The following NUP214 variants were observed in gnomAD, a reference collection of about 807,000 sequenced individuals.
NUP214 encodes nuclear pore complex protein Nup214.
Under a neutral mutation model 196.2 loss-of-function variants are expected in NUP214, and 79 were observed. The observed-to-expected ratio is 0.40, with a 90% CI of 0.34 to 0.49. NUP214 has a LOEUF of 0.49. Ranked by LOEUF, NUP214 falls within the 20% of genes least tolerant of loss-of-function variation. The pLI, the probability that NUP214 is intolerant of heterozygous loss-of-function variation, is 0.58. For synonymous variants in NUP214, 1,020 were observed against 990.5 expected, an observed-to-expected ratio of 1.03 and a Z score of -0.56; for missense variants, 2,468 against 2,539.0, an observed-to-expected ratio of 0.97 and a Z score of 0.60.
At chr9:131,127,037 A>G (rs1383036222) in intron 1 of NUP214, 1 of 152,940 alleles carries the variant, frequency 6.5e-6, no homozygotes, top group Non-Finnish European at 1.5e-5. Context: ...AGAGAAGACT[A>G]TTATGGCCCC....
intron 31 of NUP214, among the ~76,000 whole-genome samples, chr9:131,216,312 C>T (rs112936448): frequency 0.048 from 7,192 of 148,404 alleles, 247 homozygotes; most frequent in Middle Eastern, 0.07. Flanking sequence ...GCAAGCTCCA[C>T]TTCCCGGGTT....
At chr9:131,171,547 CTTTT>C (rs11334591) in intron 21 of NUP214, among the ~76,000 whole-genome samples, 10 of 127,320 alleles carry the variant, frequency 7.9e-5, no homozygotes, top group Admixed American at 1.6e-4. Flanking sequence ...GGAAGATTTT[CTTTT>C]TTTTTTTTTT....
chr9:131,127,344 C>T (rs1831393297), intron 1 of NUP214, among the ~76,000 whole-genome samples, 180 bp from the exon 2 acceptor site: 1 of 152,142 alleles, frequency 6.6e-6, no homozygotes, highest in Non-Finnish European at 1.5e-5. Context: ...GATCGCTGCA[C>T]TGCACTCCAG....
chr9:131,222,320 T>C (rs747313733), intron 31 of NUP214, among the ~76,000 whole-genome samples: 2 of 152,250 alleles, frequency 1.3e-5, no homozygotes, highest in Non-Finnish European at 2.9e-5. Context: ...GGGTTGGATT[T>C]GTTCTAACTT....
rs1412117454 is a variant in NUP214 at position 131,140,692 on chromosome 9, C to T, written c.1276C>T (p.Arg426Ter). 3.1e-6 allele frequency: 5 copies of T among 1,613,372 alleles called. No homozygotes were observed. The highest frequency in any genetic ancestry group is 2.7e-5 in the African/African-American group (2 of 74,846). ...TPERLSLEGE[R>*]QPKSPGSTPT... ...AGAGCGACTTTCATTAGAAGGAGAG[C>T]GACAGCCCAAGTCACCAGGTATGTG... Residue 426 changes from arginine to a stop codon, truncating the protein, a stop_gained, in exon 11 of 36, where the codon CGA (arginine) becomes TGA (stop). Transcript: ENST00000359428. LOFTEE classifies it high-confidence loss of function.
chr9:131,155,239 A>G (rs1832398668), intron 17 of NUP214, among the ~76,000 whole-genome samples: 2 of 152,180 alleles, frequency 1.3e-5, no homozygotes, highest in Non-Finnish European at 2.9e-5. Flanking sequence ...TTGCCTGATA[A>G]TTAGTGATGT....
chr9:131,169,040 T>TTC (rs1832874869), intron 21 of NUP214, among the ~76,000 whole-genome samples: 1 of 147,462 alleles, frequency 6.8e-6, no homozygotes, highest in East Asian at 2.0e-4. Flanking sequence ...TTTTGTTTTT[T>TTC]TTTTTTTTTT....
chr9:131,140,752 G>A, intron 11 of NUP214, 42 bp downstream of exon 11: 2 of 1,570,214 alleles, frequency 1.3e-6, no homozygotes, highest in South Asian at 1.2e-5. Flanking sequence ...GAATACCATG[G>A]GCTTGCACAA....
intron 30 of NUP214, among the ~76,000 whole-genome samples, 164 bp from the exon 31 acceptor site, chr9:131,215,048 G>A (rs1834351451): frequency 6.6e-6 from 1 of 152,178 alleles, no homozygotes; most frequent in Non-Finnish European, 1.5e-5. Flanking sequence ...GGAAGTCCCT[G>A]TCCAGAGTCT....
chr9:131,201,814 C>A, intron 30 of NUP214, 97 bp downstream of exon 30: 1 of 1,027,134 alleles, frequency 9.7e-7, no homozygotes, highest in Non-Finnish European at 1.5e-6. Context: ...TATCTAAATC[C>A]AGCAAATATA....
intron 24 of NUP214, among the ~76,000 whole-genome samples, chr9:131,184,003 TTTTC>T (rs1233100125): frequency 2.0e-5 from 3 of 150,470 alleles, no homozygotes; most frequent in Non-Finnish European, 4.4e-5. Flanking sequence ...GTATTTTTTC[TTTTC>T]TTTTTCTTTT....
intron 5 of NUP214, among the ~76,000 whole-genome samples, chr9:131,132,166 CT>C (rs1564177264): frequency 7.8e-6 from 1 of 127,812 alleles, no homozygotes; most frequent in Non-Finnish European, 1.6e-5. Context: ...GTCACCCAGG[CT>C]GGAGTGCAAT....
At chr9:131,132,483 C>T (rs563910757) in intron 5 of NUP214, 113 bp from the exon 6 acceptor site, 25 of 893,046 alleles carry the variant, frequency 2.8e-5, no homozygotes, top group African/African-American at 2.0e-4. Flanking sequence ...CAGTCTCTCC[C>T]GGCCAAGGAG....
At chr9:131,160,159 C>T (rs1295004664) in intron 18 of NUP214, among the ~76,000 whole-genome samples, 3 of 151,380 alleles carry the variant, frequency 2.0e-5, no homozygotes, top group Non-Finnish European at 4.4e-5. Context: ...ATTCTATGTT[C>T]TACAAAATGT....
chr9:131,208,974 C>T (rs1405173567), intron 30 of NUP214, among the ~76,000 whole-genome samples: 1 of 152,046 alleles, frequency 6.6e-6, no homozygotes. Context: ...GATCACGCCA[C>T]TGCACTCCAG....
At position 131,193,629 on chromosome 9, in the gene NUP214, C is replaced by CTTTTTTTTTTTTTTTTTTTTTTTT. The variant is rs71389402; in HGVS notation, c.3659+1347_3659+1370dup. On this transcript the variant is annotated intron_variant, in intron 27 of 35. Transcript: ENST00000359428. ...GTGAAATGATATTCTTCTTCCTTTTCTTTTTTTTTTTTTTTTTTTTTTTTT... is the reference window on the plus strand; with the variant it reads ...GTGAAATGATATTCTTCTTCCTTTTCTTTTTTTTTTTTTTTTTTTTTTTTTTTTTTTTTTTTTTTTTTTTTTTTT... Among the ~76,000 whole-genome samples the CTTTTTTTTTTTTTTTTTTTTTTTT allele has an allele frequency of 6.1e-3, 172 of 28,230 alleles. 72 individuals carry two copies. Among genetic ancestry groups the CTTTTTTTTTTTTTTTTTTTTTTTT allele is most frequent in the Middle Eastern group, 0.1 (2 of 20 alleles). The allele number at this position is 28,230 out of a possible 152,430, so 18.5% of individuals were successfully genotyped here. A position where few individuals can be genotyped will look rare whatever the true frequency, so the allele number is the denominator to read the frequency against.
intron 27 of NUP214, among the ~76,000 whole-genome samples, chr9:131,193,737 C>T (rs1172892296): frequency 1.4e-5 from 2 of 140,364 alleles, no homozygotes; most frequent in African/African-American, 5.2e-5. Flanking sequence ...CTGCAATCTT[C>T]ACCTCCCGGG....
chr9:131,195,479 A>G (rs537510560), intron 28 of NUP214, 185 bp downstream of exon 28: 20 of 459,056 alleles, frequency 4.4e-5, no homozygotes, highest in East Asian at 3.8e-4. Context: ...AAGGATTTCT[A>G]TTTTTATAAT....
rs1831461168 is a variant in NUP214 at position 131,129,485 on chromosome 9, A to G, written c.592+8A>G. Reference sequence around the variant, plus strand: ...CGGTAGCAGTAACCTCTGGTGAGTAATAAAGGCTTTCACACTGTAGCATAC... The same window carrying G: ...CGGTAGCAGTAACCTCTGGTGAGTAGTAAAGGCTTTCACACTGTAGCATAC... On this transcript the variant is annotated splice_region_variant and intron_variant, in intron 4 of 35. Coordinates refer to ENST00000359428, the MANE Select transcript of NUP214 (RefSeq NM_005085.4). 3.7e-6 allele frequency: 6 copies of G among 1,613,154 alleles called. No homozygotes were observed. Among genetic ancestry groups the G allele is most frequent in the Non-Finnish European group, 4.2e-6 (5 of 1,179,052 alleles).
Sources: allele counts gnomAD v4.1 joint callset (sites outside exome capture counted in the v4.1 genomes callset), GRCh38; gene constraint gnomAD v4.1.1; transcripts MANE v1.5; gene names NCBI Gene and HGNC (gene_info 2026-07-23, HGNC 2026-07-21).